The following DGKK variants were observed in gnomAD, a reference collection of about 807,000 sequenced individuals.
DGKK encodes 142 kDa diacylglycerol kinase.
DGKK carries 35 observed loss-of-function variants against 92.2 expected under a neutral mutation model. The ratio of observed to expected loss-of-function variants is 0.38; its 90% CI spans 0.29 to 0.50. The LOEUF (loss-of-function observed/expected upper bound fraction) is 0.50, where lower values mean the gene tolerates loss of function less well. DGKK is among the 20% of genes least tolerant of loss of function. DGKK has a pLI of 0.92. For missense variants in DGKK, 910 were observed against 992.2 expected (o/e 0.92, Z 1.11); for synonymous variants, 368 against 360.6 (o/e 1.02, Z -0.23).
chrX:50,434,685 A>G (rs781901083), intron 1 of DGKK, among the ~76,000 whole-genome samples: 6 of 102,532 alleles, frequency 5.9e-5, no homozygotes, highest in Admixed American at 1.0e-4. Context: ...GAAGGCAGGG[A>G]AAAAAAAAAA....
intron 4 of DGKK, 78 bp from the exon 5 acceptor site, chrX:50,404,262 T>TAAGTCTAA: frequency 9.1e-7 from 1 of 1,099,737 alleles, no homozygotes; most frequent in Non-Finnish European, 1.2e-6. Context: ...AATCTGCTGC[T>TAAGTCTAA]AAGTCTAAAA....
Position 50,404,133 on chromosome X carries a change from A to G in DGKK, c.994T>C (p.Ser332Pro). ...PFLVGMHCWY[S>P]SYSHRTQHCN... ...TGCTGGGTCCGGTGGCTGTAACTGG[A>G]GTACCAACAATGCATTCCAACAAGA... Residue 332 changes from serine to proline, a missense_variant, in exon 5 of 28, where the codon TCC (serine) becomes CCC (proline). Coordinates refer to ENST00000611977, the MANE Select transcript of DGKK (RefSeq NM_001013742.4). 8.3e-7 allele frequency: 1 copy of G among 1,210,618 alleles called. No homozygotes were observed.
At position 50,420,485 on chromosome X, in the gene DGKK, A is replaced by G; in HGVS notation, c.860T>C (p.Ile287Thr). The change falls in exon 4 of 28, where the codon ATC becomes ACC. Residue 287 changes from isoleucine (I) to threonine (T), a missense_variant. Ile to Thr is a moderately conservative substitution (Grantham distance 89). Coordinates refer to ENST00000611977, the MANE Select transcript of DGKK (RefSeq NM_001013742.4). ...TTTCCGGTTGGGTGCAGCCAGAGTG[A>G]TTTTTCGTTGTGGTGTAATAACCTA... ...SFCVITPQRK[I>T]TLAAPNRKDM... 1.7e-6 allele frequency: 2 copies of G among 1,209,946 alleles called. No individual in the cohort carries two copies. Among genetic ancestry groups the G allele is most frequent in the Non-Finnish European group, 2.2e-6 (2 of 894,544 alleles).
chrX:50,433,482 T>C (rs930796061), intron 1 of DGKK, among the ~76,000 whole-genome samples: 8 of 111,326 alleles, frequency 7.2e-5, no homozygotes, highest in African/African-American at 2.6e-4. Context: ...CCTCTTGGAA[T>C]ATGTGCACAG....
intron 1 of DGKK, among the ~76,000 whole-genome samples, chrX:50,439,371 A>G (rs1926113891): frequency 8.9e-6 from 1 of 111,800 alleles, no homozygotes; most frequent in Non-Finnish European, 1.9e-5. Flanking sequence ...ATTTAACTTA[A>G]AAACCTTTGC....
At position 50,470,400 on chromosome X, in the gene DGKK, CG is replaced by C; in HGVS notation, c.278del (p.Pro93ArgfsTer39). The C allele has an allele frequency of 8.3e-7, 1 of 1,207,152 alleles. No individual in the cohort carries two copies. Among genetic ancestry groups the C allele is most frequent in the Non-Finnish European group, 1.1e-6 (1 of 891,752 alleles). ...PEPATEPASE[P>X]APEPATEPAP... is the part of the protein sequence containing the mutation. ...CCGGCTCTGTGGCAGGTTCTGGGGC[CG>C]GTTCTGAGGCCGGCTCTGTGGCTGG... On this transcript the variant is annotated frameshift_variant, in exon 1 of 28. Coordinates refer to ENST00000611977, the MANE Select transcript of DGKK (RefSeq NM_001013742.4). LOFTEE classifies it high-confidence loss of function.
chrX:50,418,897 C>T (rs1455406895), intron 4 of DGKK, among the ~76,000 whole-genome samples: 1 of 111,779 alleles, frequency 8.9e-6, no homozygotes, highest in African/African-American at 3.2e-5. Flanking sequence ...ACATCCTATG[C>T]GACCTTTTAT....
At chrX:50,425,416 G>A (rs1557229619) in intron 1 of DGKK, among the ~76,000 whole-genome samples, 1 of 110,314 alleles carries the variant, frequency 9.1e-6, no homozygotes, top group Non-Finnish European at 1.9e-5. Flanking sequence ...GCAACAATCT[G>A]CAGAAACTGA....
At chrX:50,426,867 T>C (rs1174621367) in intron 1 of DGKK, among the ~76,000 whole-genome samples, 6 of 112,074 alleles carry the variant, frequency 5.4e-5, no homozygotes, top group Non-Finnish European at 9.4e-5. Context: ...GGCAAGAATA[T>C]GGAGCAACAG....
intron 1 of DGKK, among the ~76,000 whole-genome samples, chrX:50,447,329 T>TATATATATATATATA (rs1926338613): frequency 5.4e-5 from 1 of 18,454 alleles, no homozygotes; most frequent in Non-Finnish European, 9.0e-5. Flanking sequence ...TGTGTATGTA[T>TATATATATATATATA]ATATATATAT....
intron 1 of DGKK, among the ~76,000 whole-genome samples, chrX:50,452,126 G>T (rs1047310347): frequency 4.5e-5 from 5 of 111,613 alleles, no homozygotes; most frequent in Admixed American, 9.5e-5. Context: ...CATAAATAAG[G>T]AAAATGAGAC....
In DGKK at chrX:50,470,103, A is replaced by G. The variant is rs782045845; in HGVS notation, c.576T>C (p.Gly192=). ...LQCPVDTRER[G]LKTSPSPSPS... The stretch of plus-strand genomic sequence containing the variant: ...GCGATGGCGATGGCGAGGTCTTTAG[A>G]CCTCTCTCTCGAGTGTCCACCGGAC... Residue 192 remains glycine (G), a synonymous_variant, in exon 1 of 28, where the codon GGT becomes GGC. Transcript: ENST00000611977. 2 of 1,210,959 alleles carry G rather than the reference A, an allele frequency of 1.7e-6. No individual in the cohort carries two copies. The highest frequency in any genetic ancestry group is 3.5e-5 in the South Asian group (2 of 56,889).
intron 4 of DGKK, among the ~76,000 whole-genome samples, chrX:50,405,086 T>C (rs782482427): frequency 1.1e-4 from 12 of 112,185 alleles, no homozygotes; most frequent in Non-Finnish European, 1.9e-4. Context: ...ACTTTGTGCT[T>C]GGCACTTTTC....
chrX:50,368,948 G>A lies in DGKK; in HGVS notation c.3808C>T (p.Gln1270Ter). ...GDDPLTPSRS[Q>*]L ...CTTCCAGCTTTCAAGGGCTACAGTT[G>A]AGATCTCGATGGTGTTAGAGGATCA... Residue 1270 changes from glutamine (Q) to a stop codon, truncating the protein, a stop_gained, in exon 28 of 28, where the codon CAA becomes TAA. Transcript: ENST00000611977. LOFTEE classifies it high-confidence loss of function. The A allele has an allele frequency of 1.7e-6, 2 of 1,206,544 alleles. No individual in the cohort carries two copies. Among genetic ancestry groups the A allele is most frequent in the Non-Finnish European group, 2.2e-6 (2 of 892,646 alleles).
rs373583059 is a variant in DGKK at position 50,408,658 on chromosome X, C to T, written c.943-4474G>A. Among the ~76,000 whole-genome samples the T allele has an allele frequency of 3.6e-5, 4 of 111,559 alleles. No individual in the cohort carries two copies. In the East Asian group the frequency reaches 1.1e-3, roughly 32 times the overall value. On this transcript the variant is annotated intron_variant, in intron 4 of 27. Transcript: ENST00000611977. Reference sequence around the variant, plus strand: ...TCGGCCTCCCAAAGTGCTGGGATTACAGGCATGAGCCACCGCGCCCGGCCA... The same window carrying T: ...TCGGCCTCCCAAAGTGCTGGGATTATAGGCATGAGCCACCGCGCCCGGCCA...
At chrX:50,431,315 C>A (rs1411999464) in intron 1 of DGKK, among the ~76,000 whole-genome samples, 1 of 111,391 alleles carries the variant, frequency 9.0e-6, no homozygotes, top group Non-Finnish European at 1.9e-5. Context: ...CTACCATGTT[C>A]AGCCTGCTTG....
At chrX:50,410,316 A>T (rs1925272737) in intron 4 of DGKK, among the ~76,000 whole-genome samples, 1 of 112,006 alleles carries the variant, frequency 8.9e-6, no homozygotes, top group African/African-American at 3.3e-5. Flanking sequence ...GCAATCATGA[A>T]CAGAATTTTG....
At chrX:50,378,490 A>G in intron 21 of DGKK, 88 bp downstream of exon 21, 1 of 881,654 alleles carries the variant, frequency 1.1e-6, no homozygotes, top group South Asian at 2.3e-5. Flanking sequence ...GCATTCTTCT[A>G]CCCAGTTAAT....
chrX:50,420,839 C>T (rs1490588700), intron 3 of DGKK, among the ~76,000 whole-genome samples: 2 of 111,730 alleles, frequency 1.8e-5, no homozygotes, highest in African/African-American at 6.5e-5. Context: ...GCCGAGAAAA[C>T]CAAGACAAAA....
Sources: allele counts gnomAD v4.1 joint callset (sites outside exome capture counted in the v4.1 genomes callset), GRCh38; gene constraint gnomAD v4.1.1; transcripts MANE v1.5; gene names NCBI Gene and HGNC (gene_info 2026-07-23, HGNC 2026-07-21).